DOK4: variants seen among roughly 807,000 people sequenced by gnomAD.
The protein encoded by DOK4 is docking protein 4.
In DOK4, 26 loss-of-function variants were observed where a neutral mutation model predicts 40.1. That is an observed-to-expected ratio of 0.65 (90% CI 0.48 to 0.90). The LOEUF (loss-of-function observed/expected upper bound fraction) is 0.90. DOK4 is among the 40% of genes least tolerant of loss of function. The pLI is 0.00. For missense variants in DOK4, 392 were observed against 437.2 expected (o/e 0.90, Z 0.92); for synonymous variants, 179 against 177.0 (o/e 1.01, Z -0.09).
At chr16:57,473,533 G>A in intron 8 of DOK4, 38 bp from the exon 9 acceptor site, 1 of 1,614,216 alleles carries the variant, frequency 6.2e-7, no homozygotes, top group Non-Finnish European at 8.5e-7. Context: ...TCAGAGCTAG[G>A]TCAAAAGACC....
rs1290010196 is a variant in DOK4 at position 57,479,286 on chromosome 16, G to A, written c.66+156C>T. Among the ~76,000 whole-genome samples, 2 of 152,244 alleles carry A rather than the reference G, an allele frequency of 1.3e-5. No homozygotes were observed. The highest frequency in any genetic ancestry group is 2.9e-5 in the Non-Finnish European group (2 of 68,034). ...AGAACCCAGCCCAGGCACATGCCAGGCAGCACGCTGGCGAGGAGCCCCGAG... is the reference window on the plus strand; with the variant it reads ...AGAACCCAGCCCAGGCACATGCCAGACAGCACGCTGGCGAGGAGCCCCGAG... On this transcript the variant is annotated intron_variant, in intron 2 of 8. Coordinates refer to ENST00000340099, the Ensembl canonical transcript of DOK4. This position sits in a 1 kb window ranked among gnomAD's most constrained non-coding sequence, Gnocchi z 5.8.
rs376505874 is a variant in DOK4 at position 57,473,690 on chromosome 16, G to A, written c.785C>T (p.Thr262Met). Residue 262 changes from threonine to methionine, a missense_variant, in exon 8 of 9, where the codon ACG becomes ATG. Coordinates refer to ENST00000340099, the Ensembl canonical transcript of DOK4. Reference sequence around the variant, plus strand: ...GTAGGCACTGCGCGGCAGCATGGTCGTGGGTGTGCAGGGATACGAGTAATG... The same window carrying A: ...GTAGGCACTGCGCGGCAGCATGGTCATGGGTGTGCAGGGATACGAGTAATG... 44 of 1,614,052 alleles carry A rather than the reference G, an allele frequency of 2.7e-5. No homozygotes were observed. The highest frequency in any genetic ancestry group is 8.0e-5 in the African/African-American group (6 of 74,930).
exon 9 of DOK4, chr16:57,473,119 G>C (rs2030942523): frequency 2.0e-6 from 1 of 509,398 alleles, no homozygotes; most frequent in Non-Finnish European, 3.5e-6. Flanking sequence ...CATTGATACA[G>C]AGTATGTCAT....
rs753444195 is a variant in DOK4, at chr16:57,485,232, T to G, written c.-182+1073A>C. Among the ~76,000 whole-genome samples the G allele has an allele frequency of 3.9e-5, 6 of 152,240 alleles. No homozygotes were observed. Among genetic ancestry groups the G allele is most frequent in the Non-Finnish European group, 7.3e-5 (5 of 68,034 alleles). ...AGAGCTGCCTCAGGGAAGAGCATGC[T>G]GCTGACATCGAGGCCAGGCCTAGTT... On this transcript the variant is annotated intron_variant, in intron 1 of 8. Coordinates refer to ENST00000340099, the Ensembl canonical transcript of DOK4. The surrounding 1 kb of genome is among the most constrained non-coding windows in gnomAD (Gnocchi z 4.3).
rs760637754 is a variant in DOK4 at position 57,473,863 on chromosome 16, C to G, written c.738+38G>C. 94 of 1,569,360 alleles carry G rather than the reference C, an allele frequency of 6.0e-5. 1 individual carries two copies. The highest frequency in any genetic ancestry group is 8.1e-5 in the Non-Finnish European group (94 of 1,155,470). Reference sequence around the variant, plus strand: ...GGCCCTGCCTGCCCGCCCGTTCCCCCCTCCCCCCGTACCCTGGACTGATGC... The same window carrying G: ...GGCCCTGCCTGCCCGCCCGTTCCCCGCTCCCCCCGTACCCTGGACTGATGC... On this transcript the variant is annotated intron_variant, in intron 7 of 8. Coordinates refer to ENST00000340099, the Ensembl canonical transcript of DOK4.
At chr16:57,475,126 G>T (rs1186517258) in exon 5 of DOK4, 2 of 1,613,832 alleles carry the variant, frequency 1.2e-6, no homozygotes, top group Admixed American at 1.7e-5. Flanking sequence ...CACCCCTGGG[G>T]CCAGGAGGTC....
intron 6 of DOK4, 87 bp from the exon 7 acceptor site, chr16:57,474,126 G>T (rs2031031954): frequency 6.4e-7 from 1 of 1,571,660 alleles, no homozygotes; most frequent in Non-Finnish European, 8.7e-7. Flanking sequence ...ACTGCAAGTT[G>T]TGGTTGCATT....
intron 6 of DOK4, 73 bp from the exon 7 acceptor site, chr16:57,474,112 T>C (rs1707368542): frequency 1.3e-6 from 2 of 1,589,514 alleles, no homozygotes; most frequent in African/African-American, 2.7e-5. Context: ...TAGGCTCTCT[T>C]GCAACTGCAA....
chr16:57,484,696 GT>G (rs2031499952), intron 1 of DOK4, among the ~76,000 whole-genome samples: 1 of 151,952 alleles, frequency 6.6e-6, no homozygotes, highest in East Asian at 1.9e-4. Flanking sequence ...CTACAACATT[GT>G]TCCCTCACAT....
Position 57,475,495 on chromosome 16 carries a change from T to TCG in DOK4, c.289+9_289+10dup. ...AGGGGAGGCAGATGGAGGCCCATAC[T>TCG]CGCGCCTCACCTGAGTCGCAGGTGA... On this transcript the variant is annotated intron_variant, in intron 4 of 8. Transcript: ENST00000340099. The TCG allele has an allele frequency of 6.3e-7, 1 of 1,591,686 alleles. No homozygotes were observed. Among genetic ancestry groups the TCG allele is most frequent in the Non-Finnish European group, 8.6e-7 (1 of 1,167,396 alleles).
chr16:57,475,078 C>G, intron 5 of DOK4, 22 bp downstream of exon 5: 1 of 1,608,852 alleles, frequency 6.2e-7, no homozygotes, highest in Non-Finnish European at 8.5e-7. Flanking sequence ...TCCCCACCCC[C>G]AGGGCCAGGG....
rs1386976115 is a variant in DOK4, at chr16:57,483,572, G to C, written c.-182+2733C>G. Among the ~76,000 whole-genome samples, 4 of 152,194 alleles carry C rather than the reference G, an allele frequency of 2.6e-5. No homozygotes were observed. The South Asian group carries it at 8.3e-4, about 32-fold the overall frequency. Reference sequence around the variant, plus strand: ...TTGAGCTCAGGAATTCCAGGTAGCAGTGAGCTATGATCAAGCCACTGCACT... The same window carrying C: ...TTGAGCTCAGGAATTCCAGGTAGCACTGAGCTATGATCAAGCCACTGCACT... On this transcript the variant is annotated intron_variant, in intron 1 of 8. Coordinates refer to ENST00000340099, the Ensembl canonical transcript of DOK4.
chr16:57,473,519 G>C, intron 8 of DOK4, 24 bp from the exon 9 acceptor site: 1 of 1,614,208 alleles, frequency 6.2e-7, no homozygotes, highest in Non-Finnish European at 8.5e-7. Flanking sequence ...AGCAGGCTCA[G>C]AACTCAGAGC....
At chr16:57,482,220 G>A (rs1448240698) in intron 1 of DOK4, among the ~76,000 whole-genome samples, 1 of 152,086 alleles carries the variant, frequency 6.6e-6, no homozygotes, top group African/African-American at 2.4e-5. Context: ...GGAGTGCAGG[G>A]GTGCCATCAC....
rs536218696 is a variant in DOK4 at position 57,475,481 on chromosome 16, A to T, written c.289+25T>A. The T allele has an allele frequency of 8.2e-6, 13 of 1,576,084 alleles. No individual in the cohort carries two copies. The South Asian group carries it at 1.4e-4, about 16-fold the overall frequency. ...ACCAAGACCACCCCAGGGGAGGCAG[A>T]TGGAGGCCCATACTCGCGCCTCACC... On this transcript the variant is annotated intron_variant, in intron 4 of 8. Transcript: ENST00000340099.
chr16:57,473,111 T>C lies in DOK4; in HGVS notation c.*266A>G, dbSNP rs551013314. On this transcript the variant is annotated 3_prime_UTR_variant, in exon 9 of 9. Transcript: ENST00000340099. ...ATGGGGTGAGGGTGAGGGGATCTCA[T>C]TGATACAGAGTATGTCATAAGCCAT... 1.9e-4 allele frequency: 89 copies of C among 466,818 alleles called. 2 individuals carry two copies. The Middle Eastern group carries it at 2.3e-3, about 12-fold the overall frequency. 28.9% of individuals were successfully genotyped at this position (466,818 alleles called of 1,614,324 possible). A position where few individuals can be genotyped will look rare whatever the true frequency, so the allele number is the denominator to read the frequency against.
intron 2 of DOK4, chr16:57,476,190 C>T: frequency 1.8e-6 from 1 of 549,056 alleles, no homozygotes; most frequent in Admixed American, 3.1e-5. Flanking sequence ...AAACGCTGTT[C>T]CACAAAGGGT....
chr16:57,477,933 A>G (rs2031255753), intron 2 of DOK4, among the ~76,000 whole-genome samples: 2 of 152,196 alleles, frequency 1.3e-5, no homozygotes, highest in Non-Finnish European at 2.9e-5. Flanking sequence ...CCCACCTGTC[A>G]GCCACTCAGT....
rs553942810 is a variant in DOK4 at position 57,479,124 on chromosome 16, T to G, written c.66+318A>C. On this transcript the variant is annotated intron_variant, in intron 2 of 8. Transcript: ENST00000340099. The surrounding 1 kb of genome is among the most constrained non-coding windows in gnomAD (Gnocchi z 5.8). ...GCCCGGCCTTGCCAGCCGCCCCTGCTGCTGCTGTGGTGACAACTTCAACAA... is the reference window on the plus strand; with the variant it reads ...GCCCGGCCTTGCCAGCCGCCCCTGCGGCTGCTGTGGTGACAACTTCAACAA... Among the ~76,000 whole-genome samples the G allele has an allele frequency of 1.5e-3, 224 of 152,302 alleles. 1 individual carries two copies. Among genetic ancestry groups the G allele is most frequent in the African/African-American group, 5.3e-3 (219 of 41,568 alleles).
Sources: gnomAD v4.1 joint callset for allele counts (sites outside exome capture counted in the v4.1 genomes callset) on GRCh38, gnomAD v4.1.1 for gene constraint, Gnocchi (gnomAD v3.1) non-coding constraint, MANE v1.5 for transcripts, NCBI Gene and HGNC (gene_info 2026-07-23, HGNC 2026-07-21) for gene names.